Variants in UNC5C observed in about 807,000 individuals in gnomAD.
The protein encoded by UNC5C is unc-5 netrin receptor C.
Under a neutral mutation model 99.8 loss-of-function variants are expected in UNC5C, and 47 were observed. The ratio of observed to expected loss-of-function variants is 0.47; its 90% CI spans 0.37 to 0.60. UNC5C has a LOEUF of 0.60. UNC5C is among the 20% of genes least tolerant of loss of function. The probability of loss-of-function intolerance (pLI) is 0.00; values close to 1 mark genes in which losing one functional copy is unlikely to be tolerated. For synonymous variants in UNC5C, 487 were observed against 452.2 expected (o/e 1.08, Z -0.98); for missense variants, 1,062 against 1,165.9 (o/e 0.91, Z 1.30).
rs1735944966 is a variant in UNC5C at position 95,168,483 on chromosome 4, ATGT to A, written c.*748_*750del. 1 of 152,604 alleles carries A rather than the reference ATGT, an allele frequency of 6.6e-6. No homozygotes were observed. The highest frequency in any genetic ancestry group is 1.5e-5 in the Non-Finnish European group (1 of 68,022). 9.5% of individuals were successfully genotyped at this position (152,604 alleles called of 1,614,324 possible). A position where few individuals can be genotyped will look rare whatever the true frequency, so the allele number is the denominator to read the frequency against. ...TATTGCATATTACAAACAAACACAC[ATGT>A]TGTGAAAAAAATGCTTGTTTGTGGG... On this transcript the variant is annotated 3_prime_UTR_variant, in exon 16 of 16. Coordinates refer to ENST00000453304, the MANE Select transcript of UNC5C (RefSeq NM_003728.4).
At chr4:95,514,368 G>C (rs937401421) in intron 1 of UNC5C, among the ~76,000 whole-genome samples, 1 of 151,988 alleles carries the variant, frequency 6.6e-6, no homozygotes, top group African/African-American at 2.4e-5. Context: ...TCAGAGATGT[G>C]GGTGAACTTG....
At chr4:95,282,812 A>C (rs1296728509) in intron 3 of UNC5C, among the ~76,000 whole-genome samples, 1 of 152,084 alleles carries the variant, frequency 6.6e-6, no homozygotes, top group Non-Finnish European at 1.5e-5. Context: ...GGTTAGATAA[A>C]TTTTTTATGG....
chr4:95,224,036 A>C (rs1294376127), intron 7 of UNC5C, among the ~76,000 whole-genome samples: 2 of 152,186 alleles, frequency 1.3e-5, no homozygotes, highest in African/African-American at 2.4e-5. Flanking sequence ...TAATCCCAGA[A>C]CTTTAAGATG....
At chr4:95,407,214 C>A (rs1248070024) in intron 1 of UNC5C, among the ~76,000 whole-genome samples, 1 of 152,104 alleles carries the variant, frequency 6.6e-6, no homozygotes, top group Non-Finnish European at 1.5e-5. Flanking sequence ...ATTTTATATG[C>A]AGCACAGTAT....
intron 3 of UNC5C, among the ~76,000 whole-genome samples, chr4:95,299,136 G>A (rs1741779100): frequency 1.3e-5 from 2 of 152,126 alleles, no homozygotes; most frequent in Admixed American, 1.3e-4. Context: ...CTTTTAAAGA[G>A]GTGATCAAGT....
intron 1 of UNC5C, among the ~76,000 whole-genome samples, chr4:95,346,017 A>C (rs1743756889): frequency 6.6e-6 from 1 of 151,910 alleles, no homozygotes; most frequent in East Asian, 1.9e-4. Context: ...GCAGAAATAA[A>C]GGATATTGAA....
intron 3 of UNC5C, among the ~76,000 whole-genome samples, chr4:95,290,699 G>A (rs1171855960): frequency 6.6e-6 from 1 of 152,176 alleles, no homozygotes; most frequent in African/African-American, 2.4e-5. Flanking sequence ...TATAATAAAT[G>A]TTGGCTACTA....
intron 7 of UNC5C, among the ~76,000 whole-genome samples, chr4:95,237,767 AC>A (rs1217956289): frequency 1.3e-5 from 2 of 152,106 alleles, no homozygotes; most frequent in African/African-American, 4.8e-5. Flanking sequence ...TACTGAACAG[AC>A]CCGGCGCAGT....
chr4:95,360,331 A>G (rs893409689), intron 1 of UNC5C, among the ~76,000 whole-genome samples: 1 of 152,184 alleles, frequency 6.6e-6, no homozygotes, highest in African/African-American at 2.4e-5. Flanking sequence ...TGTAAGTTAA[A>G]GGAAAAAGAC....
chr4:95,452,448 G>C (rs180922349), intron 1 of UNC5C, among the ~76,000 whole-genome samples: 8 of 152,182 alleles, frequency 5.3e-5, no homozygotes, highest in African/African-American at 1.9e-4. Context: ...ACCACGGAGG[G>C]TTTCACCAGG....
intron 1 of UNC5C, among the ~76,000 whole-genome samples, chr4:95,494,149 A>G (rs142817742): frequency 6.0e-4 from 91 of 151,674 alleles, no homozygotes; most frequent in African/African-American, 2.0e-3. Flanking sequence ...TAAAAAAGGA[A>G]AGATGTTCAG....
At chr4:95,213,936 G>A (rs1028978090) in intron 10 of UNC5C, among the ~76,000 whole-genome samples, 1 of 152,192 alleles carries the variant, frequency 6.6e-6, no homozygotes, top group African/African-American at 2.4e-5. Context: ...AGCAGAAAGT[G>A]CTTTGTGATC....
chr4:95,522,594 G>T (rs1722388634), intron 1 of UNC5C, among the ~76,000 whole-genome samples: 1 of 152,118 alleles, frequency 6.6e-6, no homozygotes, highest in African/African-American at 2.4e-5. Flanking sequence ...ATGGTGAAAA[G>T]AAAGTATCCT....
chr4:95,231,389 T>C (rs1738906786), intron 7 of UNC5C, among the ~76,000 whole-genome samples: 1 of 152,184 alleles, frequency 6.6e-6, no homozygotes, highest in Non-Finnish European at 1.5e-5. Context: ...TATGACATAA[T>C]GTCATTTATA....
chr4:95,388,871 A>G (rs1325964544), intron 1 of UNC5C, among the ~76,000 whole-genome samples: 1 of 152,196 alleles, frequency 6.6e-6, no homozygotes, highest in Non-Finnish European at 1.5e-5. Context: ...CTGTCTCTCT[A>G]CATGGGCCTA....
intron 5 of UNC5C, chr4:95,248,466 C>G: frequency 2.2e-6 from 1 of 444,862 alleles, no homozygotes; most frequent in Non-Finnish European, 4.5e-6. Flanking sequence ...TGGATCGTAA[C>G]TTCCCCGTGG....
At chr4:95,498,234 T>C (rs1450882946) in intron 1 of UNC5C, among the ~76,000 whole-genome samples, 1 of 152,012 alleles carries the variant, frequency 6.6e-6, no homozygotes, top group Middle Eastern at 3.2e-3. Context: ...TGAATAATCA[T>C]TCTTTTTGAG....
chr4:95,419,343 G>C (rs933566437), intron 1 of UNC5C, among the ~76,000 whole-genome samples: 2 of 152,080 alleles, frequency 1.3e-5, no homozygotes, highest in Non-Finnish European at 2.9e-5. Context: ...TCTAATAACT[G>C]TCATAAAACC....
At chr4:95,460,131 C>A (rs925341262) in intron 1 of UNC5C, among the ~76,000 whole-genome samples, 38 of 150,444 alleles carry the variant, frequency 2.5e-4, no homozygotes, top group Non-Finnish European at 5.9e-5. Flanking sequence ...CAAGTACCTC[C>A]ACTGGGATTG....
Sources: gnomAD v4.1 joint callset for allele counts (sites outside exome capture counted in the v4.1 genomes callset) on GRCh38, gnomAD v4.1.1 for gene constraint, MANE v1.5 for transcripts, NCBI Gene and HGNC (gene_info 2026-07-23, HGNC 2026-07-21) for gene names.